The following SMCHD1 variants were observed in gnomAD, a reference collection of about 807,000 sequenced individuals.
The protein encoded by SMCHD1 is structural maintenance of chromosomes flexible hinge domain containing 1.
Under a neutral mutation model 254.7 loss-of-function variants are expected in SMCHD1, and 78 were observed. The ratio of observed to expected loss-of-function variants is 0.31; its 90% confidence interval spans 0.26 to 0.37. The LOEUF is 0.37. Ranked by LOEUF, SMCHD1 falls within the 10% of genes least tolerant of loss-of-function variation. SMCHD1 has a pLI of 1.00. For synonymous variants in SMCHD1, 766 were observed against 794.9 expected (o/e 0.96, Z 0.61); for missense variants, 1,840 against 2,408.1 (o/e 0.76, Z 4.94).
intron 5 of SMCHD1, among the ~76,000 whole-genome samples, chr18:2,682,497 C>G (rs2073955966): frequency 6.6e-6 from 1 of 151,892 alleles, no homozygotes; most frequent in African/African-American, 2.4e-5. Context: ...AAATTTTGTA[C>G]TTTTAGTAGA....
At chr18:2,679,499 A>AAAAAAAAAAAAAT (rs2073874716) in intron 5 of SMCHD1, among the ~76,000 whole-genome samples, 1 of 147,254 alleles carries the variant, frequency 6.8e-6, no homozygotes, top group Non-Finnish European at 1.5e-5. Flanking sequence ...AAAAAAAAAA[A>AAAAAAAAAAAAAT]GGAACTCTTG....
intron 5 of SMCHD1, among the ~76,000 whole-genome samples, chr18:2,682,061 C>G (rs2073943089): frequency 1.3e-5 from 2 of 152,074 alleles, no homozygotes; most frequent in Admixed American, 1.3e-4. Context: ...ATCTAAGCAC[C>G]CTACTTTAAT....
chr18:2,685,094 ATTTTTTTCTT>A (rs1177559016), intron 5 of SMCHD1, among the ~76,000 whole-genome samples: 2 of 81,894 alleles, frequency 2.4e-5, no homozygotes, highest in South Asian at 4.2e-4. Context: ...TCTGTCCCTT[ATTTTTTTCTT>A]TTTTTTTTTT....
intron 24 of SMCHD1, among the ~76,000 whole-genome samples, chr18:2,731,524 T>C (rs1260385618): frequency 6.6e-6 from 1 of 152,170 alleles, no homozygotes; most frequent in Non-Finnish European, 1.5e-5. Flanking sequence ...CAATGTGTTA[T>C]GAATTGAAAA....
chr18:2,662,736 C>T (rs1292848661), intron 1 of SMCHD1, among the ~76,000 whole-genome samples: 2 of 141,624 alleles, frequency 1.4e-5, no homozygotes, highest in Non-Finnish European at 3.0e-5. Flanking sequence ...AAAAAATACA[C>T]GACTGTCATG....
At chr18:2,794,777 A>G (rs2076228415) in intron 45 of SMCHD1, among the ~76,000 whole-genome samples, 1 of 152,166 alleles carries the variant, frequency 6.6e-6, no homozygotes, top group South Asian at 2.1e-4. Context: ...TCCCAAACCT[A>G]CAGATTAAAC....
At position 2,784,445 on chromosome 18, in the gene SMCHD1, A is replaced by C; in HGVS notation, c.5548-5A>C. 6.2e-7 allele frequency: 1 copy of C among 1,602,400 alleles called. No homozygotes were observed. Among genetic ancestry groups the C allele is most frequent in the Non-Finnish European group, 8.5e-7 (1 of 1,175,036 alleles). ...CACTACTTACTATTCACTTATTTAC[A>C]ATAGGTTGTTAAAATTACACACTGT... On this transcript the variant is annotated splice_region_variant and splice_polypyrimidine_tract_variant and intron_variant, in intron 44 of 47. Coordinates refer to ENST00000320876, the MANE Select transcript of SMCHD1 (RefSeq NM_015295.3).
intron 5 of SMCHD1, among the ~76,000 whole-genome samples, chr18:2,675,409 C>T (rs960699267): frequency 6.6e-6 from 1 of 151,918 alleles, no homozygotes; most frequent in African/African-American, 2.4e-5. Context: ...CGACTACAGG[C>T]ACCCACCACC....
Position 2,688,377 on chromosome 18 carries a change from T to A in SMCHD1, c.639-17T>A, listed in dbSNP as rs765927306. ...AACTAGCTTGTTTAAAATCACTGCATTAATGTTTTATTTTAGTGATCATTC... is the reference window on the plus strand; with the variant it reads ...AACTAGCTTGTTTAAAATCACTGCAATAATGTTTTATTTTAGTGATCATTC... On this transcript the variant is annotated splice_polypyrimidine_tract_variant and intron_variant, in intron 5 of 47. Transcript: ENST00000320876. 10 of 1,544,418 alleles carry A rather than the reference T, an allele frequency of 6.5e-6. No homozygotes were observed. The East Asian group carries it at 2.2e-4, about 35-fold the overall frequency.
In SMCHD1 at chr18:2,680,706, A is replaced by G. The variant is rs2073904511; in HGVS notation, c.638+6561A>G. Among the ~76,000 whole-genome samples, 4 of 152,300 alleles carry G rather than the reference A, an allele frequency of 2.6e-5. No individual in the cohort carries two copies. In the South Asian group the frequency reaches 8.3e-4, roughly 32 times the overall value. On this transcript the variant is annotated intron_variant, in intron 5 of 47. Transcript: ENST00000320876. ...AGTGAATATGTTGAAGCTTTTACAA[A>G]ACCCTGCAGACCTCGCATTTCCCAG... is the stretch of plus-strand genomic sequence containing the variant.
chr18:2,759,441 A>G (rs1423012473), intron 34 of SMCHD1, among the ~76,000 whole-genome samples: 3 of 148,780 alleles, frequency 2.0e-5, no homozygotes, highest in Non-Finnish European at 4.4e-5. Context: ...CTTATATTCT[A>G]CTAAGTTATT....
chr18:2,673,084 T>G, intron 3 of SMCHD1, 197 bp from the exon 4 acceptor site: 1 of 985,446 alleles, frequency 1.0e-6, no homozygotes. Flanking sequence ...ATACAAGTAC[T>G]GATTGATGAC....
intron 23 of SMCHD1, among the ~76,000 whole-genome samples, chr18:2,729,053 G>A (rs1198208212): frequency 6.6e-6 from 1 of 151,862 alleles, no homozygotes; most frequent in Non-Finnish European, 1.5e-5. Flanking sequence ...TTGTAATTGA[G>A]GAAGTTAGTT....
intron 12 of SMCHD1, among the ~76,000 whole-genome samples, chr18:2,703,040 T>G (rs964842001): frequency 6.6e-6 from 1 of 152,224 alleles, no homozygotes; most frequent in Non-Finnish European, 1.5e-5. Context: ...CACATCTTCT[T>G]AAGTATTATT....
At chr18:2,770,770 G>GCCA (rs2075965176) in intron 39 of SMCHD1, among the ~76,000 whole-genome samples, 1 of 152,040 alleles carries the variant, frequency 6.6e-6, no homozygotes, top group Non-Finnish European at 1.5e-5. Flanking sequence ...ACAGGCACAT[G>GCCA]CCACCACGCC....
rs1237868558 is a variant in SMCHD1, at chr18:2,706,480, A to T, written c.2063+10A>T. Reference sequence around the variant, plus strand: ...AAGATGAAATGGCAAGGTAAGTCACACTTCAAGATGCATGACAAAAATAAG... The same window carrying T: ...AAGATGAAATGGCAAGGTAAGTCACTCTTCAAGATGCATGACAAAAATAAG... On this transcript the variant is annotated intron_variant, in intron 15 of 47. Transcript: ENST00000320876. 2 of 1,543,128 alleles carry T rather than the reference A, an allele frequency of 1.3e-6. No individual in the cohort carries two copies. The highest frequency in any genetic ancestry group is 8.8e-7 in the Non-Finnish European group (1 of 1,132,500).
chr18:2,740,675 A>G (rs1190577900), intron 27 of SMCHD1, 28 bp from the exon 28 acceptor site: 10 of 1,247,164 alleles, frequency 8.0e-6, no homozygotes, highest in Non-Finnish European at 1.2e-5. Context: ...AAAAGATAAT[A>G]CTAAAATAAA....
intron 5 of SMCHD1, among the ~76,000 whole-genome samples, chr18:2,685,255 A>G (rs910161825): frequency 4.0e-5 from 6 of 150,746 alleles, no homozygotes; most frequent in Non-Finnish European, 7.4e-5. Flanking sequence ...GCCCGCCACC[A>G]CGCCCGGCTA....
chr18:2,771,753 A>T, intron 40 of SMCHD1, 135 bp downstream of exon 40: 1 of 631,574 alleles, frequency 1.6e-6, no homozygotes, highest in South Asian at 3.5e-5. Flanking sequence ...GTCACTAGAC[A>T]TTAAAAATGA....
Sources: allele counts gnomAD v4.1 joint callset (sites outside exome capture counted in the v4.1 genomes callset), GRCh38; gene constraint gnomAD v4.1.1; transcripts MANE v1.5; gene names NCBI Gene and HGNC (gene_info 2026-07-23, HGNC 2026-07-21).